PDE4D: variants seen among roughly 807,000 people sequenced by gnomAD.
PDE4D encodes 3',5'-cyclic-AMP phosphodiesterase 4D.
Under a neutral mutation model 87.4 loss-of-function variants are expected in PDE4D, and 24 were observed. The ratio of observed to expected loss-of-function variants is 0.27; its 90% CI spans 0.20 to 0.39. PDE4D has a LOEUF of 0.39. Ranked by LOEUF, PDE4D falls within the 10% of genes least tolerant of loss-of-function variation. The pLI, the probability that PDE4D is intolerant of heterozygous loss-of-function variation, is 1.00. For missense variants in PDE4D, 714 were observed against 1,041.0 expected, an observed-to-expected ratio of 0.69 and a Z score of 4.32; for synonymous variants, 384 against 383.2, an observed-to-expected ratio of 1.00 and a Z score of -0.02.
intron 1 of PDE4D, among the ~76,000 whole-genome samples, chr5:59,347,007 T>G (rs996703157): frequency 2.0e-5 from 3 of 152,146 alleles, no homozygotes. Context: ...GGAGTTTTGT[T>G]GCTTGTTTTT....
intron 1 of PDE4D, among the ~76,000 whole-genome samples, chr5:59,725,408 G>A (rs1756459907): frequency 6.6e-6 from 1 of 152,006 alleles, no homozygotes; most frequent in African/African-American, 2.4e-5. Flanking sequence ...GTGACTTTTT[G>A]TTGAATATTT....
intron 1 of PDE4D, among the ~76,000 whole-genome samples, chr5:59,355,606 C>T (rs1278143518): frequency 6.6e-6 from 1 of 152,020 alleles, no homozygotes; most frequent in Non-Finnish European, 1.5e-5. Flanking sequence ...CTGTAACAAA[C>T]ATAACAAATA....
rs116470164 is a variant in PDE4D at position 59,541,750 on chromosome 5, T to C, written c.456-325782A>G. Among the ~76,000 whole-genome samples, 548 of 152,370 alleles carry C rather than the reference T, an allele frequency of 3.6e-3. 6 individuals carry two copies. Among genetic ancestry groups the C allele is most frequent in the African/African-American group, 0.012 (519 of 41,588 alleles). On this transcript the variant is annotated intron_variant, in intron 1 of 14. Coordinates refer to ENST00000340635, the MANE Select transcript of PDE4D (RefSeq NM_001104631.2). Reference sequence around the variant, plus strand: ...TCCATTTTGCAAGTCTATCAACTTATAGTTCTTTACCTTCCCTTCAGCTGA... The same window carrying C: ...TCCATTTTGCAAGTCTATCAACTTACAGTTCTTTACCTTCCCTTCAGCTGA...
In PDE4D at chr5:58,975,613, C is replaced by T. The variant is rs1743516874; in HGVS notation, c.2013+44G>A. Reference sequence around the variant, plus strand: ...AATACAAAGTAACCAAATGCTAAAGCGGTAGCTCTGTTCTCTCTGAAAGCT... The same window carrying T: ...AATACAAAGTAACCAAATGCTAAAGTGGTAGCTCTGTTCTCTCTGAAAGCT... On this transcript the variant is annotated intron_variant, in intron 14 of 14. Coordinates refer to ENST00000340635, the MANE Select transcript of PDE4D (RefSeq NM_001104631.2). This position sits in a 1 kb window ranked among gnomAD's most constrained non-coding sequence, Gnocchi z 4.2. 5 of 1,388,884 alleles carry T rather than the reference C, an allele frequency of 3.6e-6. No individual in the cohort carries two copies. Among genetic ancestry groups the T allele is most frequent in the Non-Finnish European group, 4.8e-6 (5 of 1,045,400 alleles). 86.0% of individuals were successfully genotyped at this position (1,388,884 alleles called of 1,614,324 possible).
intron 1 of PDE4D, among the ~76,000 whole-genome samples, chr5:60,262,900 C>T (rs1749799007): frequency 6.6e-6 from 1 of 152,152 alleles, no homozygotes; most frequent in Non-Finnish European, 1.5e-5. Flanking sequence ...CCTCAACTTT[C>T]TAATTATCTG....
At chr5:59,170,032 G>C (rs542900761) in intron 5 of PDE4D, among the ~76,000 whole-genome samples, 24 of 152,258 alleles carry the variant, frequency 1.6e-4, no homozygotes, top group Non-Finnish European at 3.1e-4. Context: ...TATTCATGTG[G>C]TAGCTTTTCT....
intron 2 of PDE4D, among the ~76,000 whole-genome samples, chr5:60,025,742 A>C (rs576798722): frequency 6.6e-6 from 1 of 152,090 alleles, no homozygotes; most frequent in Admixed American, 6.6e-5. Context: ...TAACAAAGAC[A>C]TCATGATTTA....
chr5:59,149,356 T>C (rs911709997), intron 5 of PDE4D, among the ~76,000 whole-genome samples: 2 of 152,216 alleles, frequency 1.3e-5, no homozygotes, highest in Non-Finnish European at 2.9e-5. Context: ...GGTGCTATCC[T>C]ATTTGGAATT....
intron 1 of PDE4D, among the ~76,000 whole-genome samples, chr5:60,322,029 T>C (rs969439795): frequency 6.6e-6 from 1 of 152,076 alleles, no homozygotes; most frequent in African/African-American, 2.4e-5. Context: ...AGAACTACCA[T>C]TTAACCCAGC....
intron 1 of PDE4D, among the ~76,000 whole-genome samples, chr5:59,569,903 T>C (rs1431656082): frequency 3.9e-5 from 6 of 152,218 alleles, no homozygotes; most frequent in African/African-American, 7.2e-5. Flanking sequence ...ATTCATTACC[T>C]CTTTATTTTG....
intron 1 of PDE4D, among the ~76,000 whole-genome samples, chr5:60,417,621 T>G (rs533829828): frequency 2.0e-5 from 3 of 152,260 alleles, no homozygotes; most frequent in East Asian, 3.9e-4. Flanking sequence ...CAAAGGCAGG[T>G]GGCAACAGGA....
At chr5:59,554,914 A>T (rs1818651791) in intron 1 of PDE4D, among the ~76,000 whole-genome samples, 1 of 152,198 alleles carries the variant, frequency 6.6e-6, no homozygotes, top group East Asian at 1.9e-4. Context: ...GGGGTGTAAG[A>T]AGACTAAATA....
At chr5:59,972,363 C>G (rs983841312) in intron 3 of PDE4D, among the ~76,000 whole-genome samples, 2 of 152,266 alleles carry the variant, frequency 1.3e-5, no homozygotes. Flanking sequence ...TCTCATCCCC[C>G]CAGCTATCCC....
intron 1 of PDE4D, among the ~76,000 whole-genome samples, chr5:59,644,413 A>G (rs73758836): frequency 6.6e-6 from 1 of 152,310 alleles, no homozygotes; most frequent in African/African-American, 2.4e-5. Flanking sequence ...GTTATATCAG[A>G]GGTACCTGAC....
intron 5 of PDE4D, among the ~76,000 whole-genome samples, chr5:59,161,294 T>C (rs1227857104): frequency 2.0e-5 from 3 of 152,118 alleles, no homozygotes; most frequent in Non-Finnish European, 4.4e-5. Context: ...TAGGAAGAAA[T>C]AATACATCAA....
chr5:59,736,450 G>A (rs181788451), intron 1 of PDE4D, among the ~76,000 whole-genome samples: 8 of 152,100 alleles, frequency 5.3e-5, no homozygotes, highest in Non-Finnish European at 7.4e-5. Flanking sequence ...AGGCTGAGGC[G>A]GGTGGATCAC....
intron 1 of PDE4D, among the ~76,000 whole-genome samples, chr5:60,187,350 G>A (rs1232368105): frequency 6.6e-6 from 1 of 152,080 alleles, no homozygotes; most frequent in Non-Finnish European, 1.5e-5. Context: ...ATGTAATTTA[G>A]GAATTGGACA....
chr5:59,575,337 A>G (rs1300253918), intron 1 of PDE4D, among the ~76,000 whole-genome samples: 1 of 152,234 alleles, frequency 6.6e-6, no homozygotes, highest in Non-Finnish European at 1.5e-5. Context: ...ATCAAGCATC[A>G]GAGCCAGCTG....
At chr5:59,608,351 T>A (rs1290338592) in intron 1 of PDE4D, among the ~76,000 whole-genome samples, 1 of 152,108 alleles carries the variant, frequency 6.6e-6, no homozygotes, top group Non-Finnish European at 1.5e-5. Flanking sequence ...AGCAAAACCA[T>A]CAAGAATTTA....
Sources: allele counts gnomAD v4.1 joint callset (sites outside exome capture counted in the v4.1 genomes callset), GRCh38; gene constraint gnomAD v4.1.1; non-coding constraint Gnocchi (gnomAD v3.1); transcripts MANE v1.5; gene names NCBI Gene and HGNC (gene_info 2026-07-23, HGNC 2026-07-21).